ZCCHC10: variants seen among roughly 807,000 people sequenced by gnomAD.
The protein encoded by ZCCHC10 is zinc finger CCHC domain-containing protein 10.
In ZCCHC10, 16 loss-of-function variants were observed where a neutral mutation model predicts 19.5. The ratio of observed to expected loss-of-function variants is 0.82; its 90% CI spans 0.56 to 1.25. ZCCHC10 has a LOEUF of 1.25. Among genes scored for constraint, ZCCHC10 ranks in the 50% most tolerant of loss-of-function variants. ZCCHC10 has a pLI of 0.00. For missense variants in ZCCHC10, 197 were observed against 201.0 expected, an observed-to-expected ratio of 0.98 and a Z score of 0.12; for synonymous variants, 67 against 72.5, an observed-to-expected ratio of 0.92 and a Z score of 0.38.
At chr5:133,012,788 C>T (rs1001404425) in intron 2 of ZCCHC10, among the ~76,000 whole-genome samples, 4 of 150,726 alleles carry the variant, frequency 2.7e-5, no homozygotes, top group African/African-American at 7.3e-5. Flanking sequence ...TGGTGGCTCA[C>T]GCCTGTAATC....
chr5:133,001,369 C>T (rs922562991), intron 3 of ZCCHC10, among the ~76,000 whole-genome samples: 4 of 151,466 alleles, frequency 2.6e-5, no homozygotes, highest in African/African-American at 4.9e-5. Flanking sequence ...CCAGTTTGGG[C>T]GACAGAGCAA....
chr5:133,025,862 T>C (rs958951679), intron 1 of ZCCHC10, among the ~76,000 whole-genome samples: 2 of 152,224 alleles, frequency 1.3e-5, no homozygotes, highest in African/African-American at 4.8e-5. Flanking sequence ...CAATTTGTGG[T>C]TTATCGACTG....
chr5:132,999,906 C>G (rs571072509), intron 4 of ZCCHC10, among the ~76,000 whole-genome samples: 31 of 152,224 alleles, frequency 2.0e-4, no homozygotes, highest in African/African-American at 7.5e-4. Context: ...TGCCACCACA[C>G]CCAGCTAATT....
rs886902909 is a variant in ZCCHC10, at chr5:133,016,510, T to C, written c.107+6331A>G. 5.9e-5 allele frequency among the ~76,000 whole-genome samples: 9 copies of C among 152,140 alleles called. 1 individual carries two copies. The highest frequency in any genetic ancestry group is 1.2e-4 in the Non-Finnish European group (8 of 68,018). ...CAGGCTGGAGTGCAATGGCGCAATC[T>C]TGGCTCACTGCAACCTCCGCCTCCG... On this transcript the variant is annotated intron_variant, in intron 2 of 4. Coordinates refer to ENST00000509437, the MANE Select transcript of ZCCHC10 (RefSeq NM_001300816.3).
At chr5:133,007,025 G>T in intron 2 of ZCCHC10, 105 bp from the exon 3 acceptor site, 3 of 1,090,864 alleles carry the variant, frequency 2.8e-6, no homozygotes, top group Non-Finnish European at 2.5e-6. Context: ...TACTCTTATG[G>T]TCCAATTCAT....
At chr5:133,014,612 T>C (rs961573078) in intron 2 of ZCCHC10, among the ~76,000 whole-genome samples, 4 of 152,252 alleles carry the variant, frequency 2.6e-5, no homozygotes, top group African/African-American at 9.6e-5. Context: ...TTGCTTTTCA[T>C]GATCTTGACA....
At chr5:133,025,998 G>A (rs1322843264) in intron 1 of ZCCHC10, among the ~76,000 whole-genome samples, 4 of 152,208 alleles carry the variant, frequency 2.6e-5, no homozygotes, top group Admixed American at 2.0e-4. Context: ...AAGAGAGAAT[G>A]AGTAGCAAAA....
chr5:133,013,366 C>A (rs1181496419), intron 2 of ZCCHC10, among the ~76,000 whole-genome samples: 1 of 151,704 alleles, frequency 6.6e-6, no homozygotes, highest in Non-Finnish European at 1.5e-5. Context: ...CAACAAAACA[C>A]CACTACACAA....
chr5:133,018,645 G>C (rs957456217), intron 2 of ZCCHC10, among the ~76,000 whole-genome samples: 7 of 151,966 alleles, frequency 4.6e-5, no homozygotes, highest in Non-Finnish European at 7.4e-5. Flanking sequence ...GTGATCCTTG[G>C]CCTCGGCCCA....
intron 2 of ZCCHC10, chr5:133,019,164 C>T (rs1020045213): frequency 7.0e-6 from 3 of 426,510 alleles, no homozygotes; most frequent in South Asian, 1.7e-5. Context: ...CAGGATCACC[C>T]GAGCTCAGGA....
chr5:133,001,918 C>A (rs1441035784), intron 3 of ZCCHC10, among the ~76,000 whole-genome samples: 1 of 137,606 alleles, frequency 7.3e-6, no homozygotes, highest in Non-Finnish European at 1.6e-5. Flanking sequence ...GTGAAGTATA[C>A]TTATTAAATT....
chr5:133,013,755 C>A (rs1342484465), intron 2 of ZCCHC10, among the ~76,000 whole-genome samples: 3 of 151,522 alleles, frequency 2.0e-5, no homozygotes, highest in African/African-American at 7.3e-5. Flanking sequence ...AAAGAAACAT[C>A]CATCCACTAT....
At chr5:133,003,344 G>A in intron 3 of ZCCHC10, 1 of 384,226 alleles carries the variant, frequency 2.6e-6, no homozygotes, top group South Asian at 2.1e-5. Context: ...GCAAATTGAA[G>A]AAAGAAGGTT....
At chr5:133,026,430 C>T in intron 1 of ZCCHC10, 67 bp downstream of exon 1, 2 of 1,591,468 alleles carry the variant, frequency 1.3e-6, no homozygotes, top group Non-Finnish European at 1.7e-6. Context: ...GGGTCCGACA[C>T]CAGCCCGTTG....
At chr5:133,020,799 C>A (rs1764255916) in intron 2 of ZCCHC10, among the ~76,000 whole-genome samples, 1 of 152,066 alleles carries the variant, frequency 6.6e-6, no homozygotes, top group Admixed American at 6.6e-5. Context: ...TGGCTCACTG[C>A]AAGCTCCATC....
At chr5:133,012,830 T>G (rs1763644421) in intron 2 of ZCCHC10, among the ~76,000 whole-genome samples, 1 of 151,816 alleles carries the variant, frequency 6.6e-6, no homozygotes, top group South Asian at 2.1e-4. Context: ...GTGGGCGGAT[T>G]ACAAGGTCAG....
chr5:133,016,476 G>A (rs113446251), intron 2 of ZCCHC10, among the ~76,000 whole-genome samples: 4,461 of 151,360 alleles, frequency 0.029, 217 homozygotes, highest in African/African-American at 0.1. Flanking sequence ...GGAGTTTTGC[G>A]CCTGTGCCCA....
chr5:133,007,301 G>C (rs1763184215), intron 2 of ZCCHC10, among the ~76,000 whole-genome samples: 1 of 152,126 alleles, frequency 6.6e-6, no homozygotes, highest in South Asian at 2.1e-4. Flanking sequence ...CCAGCACTTT[G>C]GGAGGCTAAG....
intron 2 of ZCCHC10, among the ~76,000 whole-genome samples, chr5:133,018,260 A>C (rs1325958447): frequency 6.6e-6 from 1 of 152,010 alleles, no homozygotes; most frequent in African/African-American, 2.4e-5. Flanking sequence ...GTTTTAAAGA[A>C]ATCTTTACTC....
Sources: gnomAD v4.1 joint callset for allele counts (sites outside exome capture counted in the v4.1 genomes callset) on GRCh38, gnomAD v4.1.1 for gene constraint, MANE v1.5 for transcripts, NCBI Gene and HGNC (gene_info 2026-07-23, HGNC 2026-07-21) for gene names.